The following FAM20C variants were observed in gnomAD, a reference collection of about 807,000 sequenced individuals.
The protein encoded by FAM20C is extracellular serine/threonine protein kinase FAM20C.
Under a neutral mutation model 51.5 loss-of-function variants are expected in FAM20C, and 40 were observed. That is an observed-to-expected ratio of 0.78 (90% CI 0.60 to 1.01). The LOEUF is 1.01. Ranked by LOEUF, FAM20C falls within the 50% of genes least tolerant of loss-of-function variation. The pLI is 0.00. For missense variants in FAM20C, 861 were observed against 844.7 expected, an observed-to-expected ratio of 1.02 and a Z score of -0.24; for synonymous variants, 406 against 380.6, an observed-to-expected ratio of 1.07 and a Z score of -0.78.
At chr7:199,014 A>G (rs906622591) in intron 2 of FAM20C, among the ~76,000 whole-genome samples, 2 of 152,218 alleles carry the variant, frequency 1.3e-5, no homozygotes, top group African/African-American at 2.4e-5. Flanking sequence ...CTGTGAACCA[A>G]GTGTGCCATG....
chr7:217,813 G>A (rs1195497601), intron 3 of FAM20C, among the ~76,000 whole-genome samples: 3 of 152,136 alleles, frequency 2.0e-5, no homozygotes, highest in Non-Finnish European at 2.9e-5. Flanking sequence ...AGGACTGAGA[G>A]GTTCGATGAG....
At chr7:230,473 G>A (rs908569031) in intron 3 of FAM20C, among the ~76,000 whole-genome samples, 1 of 151,918 alleles carries the variant, frequency 6.6e-6, no homozygotes, top group African/African-American at 2.4e-5. Context: ...CCCGGCGTTC[G>A]GAACACCAGG....
rs1788809982 is a variant in FAM20C, at chr7:259,827, G to A, written c.1602G>A (p.Val534=). ...CCGAGTCTCTGCGGGGGGACCAGGT[G>A]GCACCCGTGCTGTACCAGCCGCACC... ...LMAESLRGDQ[V]APVLYQPHLE... is the part of the protein sequence containing the mutation. Residue 534 remains valine (V), a synonymous_variant, in exon 10 of 10, where the codon GTG becomes GTA. Coordinates refer to ENST00000313766, the MANE Select transcript of FAM20C (RefSeq NM_020223.4). The A allele has an allele frequency of 6.5e-7, 1 of 1,536,258 alleles. No individual in the cohort carries two copies. Among genetic ancestry groups the A allele is most frequent in the Non-Finnish European group, 8.7e-7 (1 of 1,146,904 alleles).
intron 3 of FAM20C, among the ~76,000 whole-genome samples, chr7:244,392 C>T (rs1450989918): frequency 6.6e-6 from 1 of 152,206 alleles, no homozygotes; most frequent in Non-Finnish European, 1.5e-5. Flanking sequence ...GAATTTACCA[C>T]CCCTGGAACT....
At chr7:208,785 C>T in intron 2 of FAM20C, 113 bp from the exon 3 acceptor site, 1 of 1,053,112 alleles carries the variant, frequency 9.5e-7, no homozygotes, top group Non-Finnish European at 1.4e-6. Flanking sequence ...CAGAGTGGGA[C>T]CCCTGGACCA....
At chr7:236,621 T>G (rs1314636322) in intron 3 of FAM20C, among the ~76,000 whole-genome samples, 1 of 152,202 alleles carries the variant, frequency 6.6e-6, no homozygotes, top group African/African-American at 2.4e-5. Context: ...TCTGCTCCCC[T>G]CATGGGCCAA....
chr7:195,698 G>A lies in FAM20C; in HGVS notation c.750G>A (p.Leu250=). 10 of 1,610,150 alleles carry A rather than the reference G, an allele frequency of 6.2e-6. No homozygotes were observed. Among genetic ancestry groups the A allele is most frequent in the Non-Finnish European group, 8.5e-6 (10 of 1,178,254 alleles). The change falls in exon 2 of 10, where the codon CTG becomes CTA. Residue 250 remains leucine (L), a synonymous_variant. Coordinates refer to ENST00000313766, the MANE Select transcript of FAM20C (RefSeq NM_020223.4). ...ACAACCCGGCCATCGAGGCCCTGCT[G>A]CACGACCTCAGCTCCCAGAGGATCA... ...SRHNPAIEAL[L]HDLSSQRITS...
At position 257,855 on chromosome 7, in the gene FAM20C, G is replaced by A. The variant is rs374038796; in HGVS notation, c.1445+769G>A. Among the ~76,000 whole-genome samples, 71 of 122,954 alleles carry A rather than the reference G, an allele frequency of 5.8e-4. 1 individual carries two copies. Among genetic ancestry groups the A allele is most frequent in the African/African-American group, 2.1e-3 (63 of 29,378 alleles). 80.7% of individuals were successfully genotyped at this position (122,954 alleles called of 152,430 possible). On this transcript the variant is annotated intron_variant, in intron 8 of 9. Coordinates refer to ENST00000313766, the MANE Select transcript of FAM20C (RefSeq NM_020223.4). Reference sequence around the variant, plus strand: ...ATGGGCAGGGTGGACCCACTGCCTGGGGTGCTGGAGATGGGGCTGGGTGGA... The same window carrying A: ...ATGGGCAGGGTGGACCCACTGCCTGAGGTGCTGGAGATGGGGCTGGGTGGA...
At chr7:228,699 G>A in intron 3 of FAM20C, 1 of 456,274 alleles carries the variant, frequency 2.2e-6, no homozygotes. Context: ...TCTCAGCACA[G>A]CTGCCAGCCT....
chr7:216,634 TGTGTGTG>T lies in FAM20C; in HGVS notation c.863+7659_863+7665del, dbSNP rs1291386428. ...GTGTGTGTGTATGAGTGTGTGTGAG[TGTGTGTG>T]AGTGTGTGTGAGTGTGTGTGTGAGA... On this transcript the variant is annotated intron_variant, in intron 3 of 9. Coordinates refer to ENST00000313766, the MANE Select transcript of FAM20C (RefSeq NM_020223.4). Among the ~76,000 whole-genome samples the T allele has an allele frequency of 2.1e-3, 301 of 143,566 alleles. 2 individuals carry two copies. The highest frequency in any genetic ancestry group is 8.5e-3 in the African/African-American group (292 of 34,402). 94.2% of individuals were successfully genotyped at this position (143,566 alleles called of 152,430 possible).
intron 3 of FAM20C, among the ~76,000 whole-genome samples, chr7:232,224 C>G (rs2115120966): frequency 6.6e-6 from 1 of 152,350 alleles, no homozygotes; most frequent in East Asian, 1.9e-4. Flanking sequence ...GGGGACACCC[C>G]ACTCCCCATC....
At chr7:202,196 C>T (rs565623228) in intron 2 of FAM20C, among the ~76,000 whole-genome samples, 2 of 152,000 alleles carry the variant, frequency 1.3e-5, no homozygotes, top group South Asian at 2.1e-4. Flanking sequence ...ATAGAGAGGA[C>T]GGGTGGCCAC....
chr7:194,201 A>C (rs1785737054), intron 1 of FAM20C: 1 of 190,320 alleles, frequency 5.3e-6, no homozygotes, highest in Admixed American at 5.9e-5. Context: ...GGCACCTTGG[A>C]GAAGGTCTGG....
rs577181453 is a variant in FAM20C, at chr7:254,046, G to A, written c.1073-1803G>A. Among the ~76,000 whole-genome samples, 154 of 151,970 alleles carry A rather than the reference G, an allele frequency of 1.0e-3. 2 individuals carry two copies. The highest frequency in any genetic ancestry group is 1.7e-3 in the Non-Finnish European group (119 of 68,002). ...TTCGTTCTTACAATAATGACCCAGCGTTGGCAGTGGGGTGAGGGGGCGCGG... is the reference window on the plus strand; with the variant it reads ...TTCGTTCTTACAATAATGACCCAGCATTGGCAGTGGGGTGAGGGGGCGCGG... On this transcript the variant is annotated intron_variant, in intron 5 of 9. Coordinates refer to ENST00000313766, the MANE Select transcript of FAM20C (RefSeq NM_020223.4).
chr7:203,281 C>G (rs1296683950), intron 2 of FAM20C, among the ~76,000 whole-genome samples: 1 of 152,260 alleles, frequency 6.6e-6, no homozygotes, highest in Non-Finnish European at 1.5e-5. Flanking sequence ...GTCCCCAGGA[C>G]CTGTGCCCAC....
At position 195,676 on chromosome 7, in the gene FAM20C, A is replaced by G. The variant is rs949577912; in HGVS notation, c.728A>G (p.Asn243Ser). Residue 243 changes from asparagine (N) to serine (S), a missense_variant, in exon 2 of 10, where the codon AAC (asparagine) becomes AGC (serine). By Grantham distance (46) the Asn-to-Ser change is conservative. This residue lies in a region of FAM20C where 561 missense variants were observed against 499.8 expected (regional missense o/e 1.12). Coordinates refer to ENST00000313766, the MANE Select transcript of FAM20C (RefSeq NM_020223.4). ...INRYELYSRH[N>S]PAIEALLHDL... ...CGGTACGAGCTGTACTCCAGACACA[A>G]CCCGGCCATCGAGGCCCTGCTGCAC... The G allele has an allele frequency of 4.3e-6, 7 of 1,610,386 alleles. No homozygotes were observed. The highest frequency in any genetic ancestry group is 5.9e-6 in the Non-Finnish European group (7 of 1,178,326).
At chr7:205,334 A>G in intron 2 of FAM20C, among the ~76,000 whole-genome samples, 2 of 150,864 alleles carry the variant, frequency 1.3e-5, no homozygotes, top group Non-Finnish European at 3.0e-5. Flanking sequence ...AGCCGGGACC[A>G]CGGACACGCA....
intron 1 of FAM20C, 55 bp from the exon 2 acceptor site, chr7:195,499 C>A: frequency 7.2e-7 from 1 of 1,380,906 alleles, no homozygotes; most frequent in Non-Finnish European, 9.4e-7. Context: ...CCCCGTCATC[C>A]GACTCACGGG....
At chr7:243,461 A>G (rs1449145592) in intron 3 of FAM20C, among the ~76,000 whole-genome samples, 4 of 10,666 alleles carry the variant, frequency 3.8e-4, no homozygotes, top group Non-Finnish European at 5.0e-4. Context: ...TGTGCCACCC[A>G]AGAGACCTGT....
Sources: allele counts gnomAD v4.1 joint callset (sites outside exome capture counted in the v4.1 genomes callset), GRCh38; gene constraint gnomAD v4.1.1; regional missense constraint gnomAD v4.1.1; transcripts MANE v1.5; gene names NCBI Gene and HGNC (gene_info 2026-07-23, HGNC 2026-07-21).